RAD18: variants seen among roughly 807,000 people sequenced by gnomAD.
RAD18 encodes E3 ubiquitin-protein ligase RAD18.
A neutral mutation model predicts 60.4 loss-of-function variants in RAD18; 47 were observed. The observed-to-expected ratio is 0.78, with a 90% CI of 0.62 to 0.99. The LOEUF is 0.99. Among genes scored for constraint, RAD18 ranks in the 50% least tolerant of loss-of-function variants. The pLI is 0.00. For missense variants in RAD18, 640 were observed against 593.3 expected, an observed-to-expected ratio of 1.08 and a Z score of -0.82; for synonymous variants, 225 against 195.5, an observed-to-expected ratio of 1.15 and a Z score of -1.26.
chr3:8,907,344 C>T (rs1460895637), intron 9 of RAD18, among the ~76,000 whole-genome samples: 1 of 152,180 alleles, frequency 6.6e-6, no homozygotes, highest in Non-Finnish European at 1.5e-5. Flanking sequence ...AACAGACACC[C>T]TCTAAGTTTT....
chr3:8,963,235 G>T, intron 1 of RAD18, 100 bp downstream of exon 1: 2 of 1,309,220 alleles, frequency 1.5e-6, no homozygotes, highest in Non-Finnish European at 2.1e-6. Context: ...TGCGACGCTC[G>T]CGCCTCATCC....
chr3:8,898,104 C>A (rs1399814017), intron 11 of RAD18, among the ~76,000 whole-genome samples: 3 of 151,784 alleles, frequency 2.0e-5, no homozygotes, highest in Non-Finnish European at 4.4e-5. Flanking sequence ...TCAATAGAAA[C>A]AAAGGAAGAG....
At chr3:8,906,010 G>A (rs1939995697) in intron 9 of RAD18, among the ~76,000 whole-genome samples, 1 of 151,954 alleles carries the variant, frequency 6.6e-6, no homozygotes, top group South Asian at 2.1e-4. Flanking sequence ...TCTAACTTAT[G>A]CTCAGGATTC....
At chr3:8,925,534 A>G (rs1388055600) in intron 7 of RAD18, among the ~76,000 whole-genome samples, 2 of 152,338 alleles carry the variant, frequency 1.3e-5, no homozygotes, top group Non-Finnish European at 2.9e-5. Flanking sequence ...CAATAGAAAA[A>G]AAGAGAATCC....
At chr3:8,958,171 T>C (rs1184061648) in intron 2 of RAD18, among the ~76,000 whole-genome samples, 1 of 152,222 alleles carries the variant, frequency 6.6e-6, no homozygotes, top group Admixed American at 6.5e-5. Context: ...CCTCTTACTA[T>C]GTCTTCTCCA....
At chr3:8,920,494 A>G (rs758386054) in intron 7 of RAD18, among the ~76,000 whole-genome samples, 1 of 152,192 alleles carries the variant, frequency 6.6e-6, no homozygotes, top group Non-Finnish European at 1.5e-5. Context: ...GGTATAGAAT[A>G]GCTACATAGT....
intron 3 of RAD18, among the ~76,000 whole-genome samples, chr3:8,947,683 A>C (rs73810737): frequency 0.023 from 3,573 of 152,330 alleles, 136 homozygotes; most frequent in African/African-American, 0.08. Flanking sequence ...GTTCAAGGAG[A>C]ATTTTAAAGT....
chr3:8,902,949 C>T (rs984028135), intron 9 of RAD18, among the ~76,000 whole-genome samples: 1 of 151,808 alleles, frequency 6.6e-6, no homozygotes, highest in Non-Finnish European at 1.5e-5. Flanking sequence ...TCACTTGAAC[C>T]TGGGAGGCAG....
chr3:8,951,166 A>G (rs1016775128), intron 2 of RAD18, among the ~76,000 whole-genome samples: 8 of 152,338 alleles, frequency 5.3e-5, no homozygotes, highest in African/African-American at 1.9e-4. Flanking sequence ...GAGAACACTA[A>G]CCAGGATAAA....
Position 8,899,164 on chromosome 3 carries a change from G to C in RAD18, c.1169-117C>G, listed in dbSNP as rs185800849. Reference sequence around the variant, plus strand: ...GTAAAGTTGAAGTATATGTCACATAGATTCCAGAACTCTAGTGACAGCCAG... The same window carrying C: ...GTAAAGTTGAAGTATATGTCACATACATTCCAGAACTCTAGTGACAGCCAG... On this transcript the variant is annotated intron_variant, in intron 10 of 12. Transcript: ENST00000264926. The C allele has an allele frequency of 2.6e-3, 1,908 of 740,814 alleles. 5 individuals carry two copies. The highest frequency in any genetic ancestry group is 3.5e-3 in the Non-Finnish European group (1,711 of 494,846). 45.9% of individuals were successfully genotyped at this position (740,814 alleles called of 1,614,324 possible).
intron 6 of RAD18, 130 bp downstream of exon 6, chr3:8,939,424 A>T: frequency 1.5e-6 from 1 of 657,884 alleles, no homozygotes; most frequent in South Asian, 2.5e-5. Context: ...GGCCAACAGG[A>T]GTAAAGAAGA....
At chr3:8,899,171 G>C (rs1939857078) in intron 10 of RAD18, 124 bp from the exon 11 acceptor site, 1 of 646,206 alleles carries the variant, frequency 1.5e-6, no homozygotes. Context: ...ATAGATTCCA[G>C]AACTCTAGTG....
Position 8,947,310 on chromosome 3 carries a change from G to A in RAD18, c.196-20C>T. 1.3e-6 allele frequency: 2 copies of A among 1,558,916 alleles called. No individual in the cohort carries two copies. Among genetic ancestry groups the A allele is most frequent in the Non-Finnish European group, 8.8e-7 (1 of 1,132,928 alleles). On this transcript the variant is annotated intron_variant, in intron 3 of 12. Transcript: ENST00000264926. ...GACAGTCTAGAAAAAACAAACAACA[G>A]ATGGAAAAAGGTCAAAAACAATAAT... is the stretch of plus-strand genomic sequence containing the variant.
intron 2 of RAD18, among the ~76,000 whole-genome samples, chr3:8,956,293 T>C (rs13071083): frequency 1.3e-5 from 2 of 152,190 alleles, no homozygotes; most frequent in Non-Finnish European, 2.9e-5. Flanking sequence ...ACAATTACTG[T>C]GTTCTGCAAC....
intron 9 of RAD18, among the ~76,000 whole-genome samples, chr3:8,906,818 T>G (rs994718657): frequency 6.6e-6 from 1 of 151,350 alleles, no homozygotes; most frequent in Non-Finnish European, 1.5e-5. Flanking sequence ...AATCAAAATA[T>G]GTTATTTATG....
At chr3:8,940,796 C>T (rs558466235) in intron 5 of RAD18, among the ~76,000 whole-genome samples, 7 of 152,308 alleles carry the variant, frequency 4.6e-5, no homozygotes, top group African/African-American at 1.4e-4. Context: ...GAACAGGGGC[C>T]GGCAAACATT....
chr3:8,938,109 G>T (rs904531807), intron 6 of RAD18, among the ~76,000 whole-genome samples: 1 of 152,022 alleles, frequency 6.6e-6, no homozygotes, highest in Non-Finnish European at 1.5e-5. Context: ...TCAAACTCTC[G>T]TGGCTTATGG....
chr3:8,890,566 G>A, intron 11 of RAD18, 115 bp from the exon 12 acceptor site: 1 of 698,640 alleles, frequency 1.4e-6, no homozygotes, highest in Non-Finnish European at 2.4e-6. Flanking sequence ...CAAACCAGTG[G>A]TTACCAGTAA....
At chr3:8,899,093 G>A (rs746366452) in intron 10 of RAD18, 46 bp from the exon 11 acceptor site, 1 of 1,442,660 alleles carries the variant, frequency 6.9e-7, no homozygotes, top group Non-Finnish European at 9.5e-7. Context: ...TACAACTTCT[G>A]TATGCCTATT....
Sources: allele counts gnomAD v4.1 joint callset (sites outside exome capture counted in the v4.1 genomes callset), GRCh38; gene constraint gnomAD v4.1.1; transcripts MANE v1.5; gene names NCBI Gene and HGNC (gene_info 2026-07-23, HGNC 2026-07-21).